NMBR: variants seen among roughly 807,000 people sequenced by gnomAD.
NMBR encodes neuromedin-B receptor.
NMBR carries 16 observed loss-of-function variants against 20.5 expected under a neutral mutation model. The observed-to-expected ratio is 0.78, with a 90% CI of 0.53 to 1.19. The LOEUF (loss-of-function observed/expected upper bound fraction) is 1.19, where lower values mean the gene tolerates loss of function less well. Ranked by LOEUF, NMBR falls within the 50% of genes most tolerant of loss-of-function variation. The pLI is 0.00. For missense variants in NMBR, 582 were observed against 499.1 expected (o/e 1.17, Z -1.58); for synonymous variants, 212 against 196.6 (o/e 1.08, Z -0.65).
At chr6:142,081,217 C>A (rs552451390) in intron 2 of NMBR, among the ~76,000 whole-genome samples, 2 of 149,364 alleles carry the variant, frequency 1.3e-5, no homozygotes, top group Non-Finnish European at 2.9e-5. Context: ...GACCTAATCA[C>A]CTCCCAAAGG....
At position 142,142,736 on chromosome 6, in the gene NMBR, C is replaced by A. The variant is rs535867236; in HGVS notation, c.-664+4308G>T. On this transcript the variant is annotated intron_variant, in intron 1 of 3. Transcript: ENST00000258042. Reference sequence around the variant, plus strand: ...ATATATGAATTGCAAAATAATAAATCTTTATTCACAGACATGGTCATGTAC... The same window carrying A: ...ATATATGAATTGCAAAATAATAAATATTTATTCACAGACATGGTCATGTAC... Among the ~76,000 whole-genome samples, 328 of 151,998 alleles carry A rather than the reference C, an allele frequency of 2.2e-3. 2 individuals carry two copies. Among genetic ancestry groups the A allele is most frequent in the African/African-American group, 7.1e-3 (295 of 41,474 alleles).
chr6:142,083,456 G>A (rs1182525158), intron 2 of NMBR, among the ~76,000 whole-genome samples: 1 of 152,062 alleles, frequency 6.6e-6, no homozygotes, highest in African/African-American at 2.4e-5. Flanking sequence ...TGTGTTGTTT[G>A]TATCCTTATT....
intron 1 of NMBR, among the ~76,000 whole-genome samples, chr6:142,141,830 C>A (rs1415025090): frequency 6.6e-6 from 1 of 151,972 alleles, no homozygotes; most frequent in Non-Finnish European, 1.5e-5. Flanking sequence ...AATTTAAATA[C>A]AAATTAAATA....
At chr6:142,102,693 A>T (rs1582848032) in intron 1 of NMBR, among the ~76,000 whole-genome samples, 2 of 152,206 alleles carry the variant, frequency 1.3e-5, no homozygotes, top group African/African-American at 4.8e-5. Context: ...GGAGTGAATC[A>T]GTGTTTGCTT....
chr6:142,132,992 C>T, intron 1 of NMBR: 2 of 434,342 alleles, frequency 4.6e-6, no homozygotes, highest in Non-Finnish European at 8.2e-6. Context: ...TGAATGGGGC[C>T]CCAGAGATCT....
At chr6:142,084,140 A>T (rs1350175063) in intron 2 of NMBR, among the ~76,000 whole-genome samples, 2 of 152,224 alleles carry the variant, frequency 1.3e-5, no homozygotes. Context: ...CACTGAACAA[A>T]GACTGATGGA....
At chr6:142,110,744 A>T (rs570846190) in intron 1 of NMBR, among the ~76,000 whole-genome samples, 148 of 152,326 alleles carry the variant, frequency 9.7e-4, no homozygotes, top group Middle Eastern at 6.8e-3. Context: ...ATATCAACAA[A>T]GGTGTTAACT....
chr6:142,136,131 A>G (rs1348355407), intron 1 of NMBR, among the ~76,000 whole-genome samples: 1 of 152,092 alleles, frequency 6.6e-6, no homozygotes, highest in African/African-American at 2.4e-5. Flanking sequence ...AAGTGTTCCT[A>G]TTTCTCCACA....
chr6:142,145,729 T>C (rs1199263920), intron 1 of NMBR, among the ~76,000 whole-genome samples: 1 of 152,192 alleles, frequency 6.6e-6, no homozygotes, highest in Admixed American at 6.5e-5. Flanking sequence ...CTAGCTTGAA[T>C]AGAGCGAGAG....
Position 142,135,250 on chromosome 6 carries a change from T to C in NMBR, c.-664+11794A>G, listed in dbSNP as rs77707872. On this transcript the variant is annotated intron_variant, in intron 1 of 3. Coordinates refer to ENST00000258042, the MANE Select transcript of NMBR (RefSeq NM_002511.4). Reference sequence around the variant, plus strand: ...TTGTCTTTTTTTACGAAGTGGAAAATTGATGCTCATGAGGGTTAATTTAGG... The same window carrying C: ...TTGTCTTTTTTTACGAAGTGGAAAACTGATGCTCATGAGGGTTAATTTAGG... 1,037 of 157,546 alleles carry C rather than the reference T, an allele frequency of 6.6e-3. 9 individuals are homozygous for C. The highest frequency in any genetic ancestry group is 0.011 in the Non-Finnish European group (780 of 71,778). 9.8% of individuals were successfully genotyped at this position (157,546 alleles called of 1,614,324 possible). A position where few individuals can be genotyped will look rare whatever the true frequency, so the allele number is the denominator to read the frequency against.
chr6:142,144,279 T>C (rs929531233), intron 1 of NMBR, among the ~76,000 whole-genome samples: 1 of 152,212 alleles, frequency 6.6e-6, no homozygotes, highest in Non-Finnish European at 1.5e-5. Flanking sequence ...CAGCTATAGA[T>C]ATATATATTA....
chr6:142,087,769 TCTTA>T (rs1321608793), intron 2 of NMBR, among the ~76,000 whole-genome samples: 1 of 152,182 alleles, frequency 6.6e-6, no homozygotes, highest in Non-Finnish European at 1.5e-5. Context: ...TAAGTTCTCC[TCTTA>T]CTTGAAAGAA....
rs777374320 is a variant in NMBR at position 142,075,726 on chromosome 6, C to G, written c.1095G>C (p.Leu365=). The G allele has an allele frequency of 6.2e-7, 1 of 1,613,990 alleles. No homozygotes were observed. The highest frequency in any genetic ancestry group is 1.1e-5 in the South Asian group (1 of 91,078). Residue 365 remains leucine, a synonymous_variant, in exon 4 of 4, where the codon CTG becomes CTC. Coordinates refer to ENST00000258042, the MANE Select transcript of NMBR (RefSeq NM_002511.4). ...TCACCATGTTCTTAGCATTGCTTTTCAGAGATGTCATACGCACCGCTGAAG... is the reference window on the plus strand; with the variant it reads ...TCACCATGTTCTTAGCATTGCTTTTGAGAGATGTCATACGCACCGCTGAAG... ...LSSSAVRMTS[L]KSNAKNMVTN...
intron 1 of NMBR, among the ~76,000 whole-genome samples, chr6:142,145,031 A>AG (rs1278218828): frequency 6.6e-6 from 1 of 151,342 alleles, no homozygotes; most frequent in Non-Finnish European, 1.5e-5. Flanking sequence ...AAAAAAAAAA[A>AG]AAAAAAAAGA....
chr6:142,101,639 A>G (rs1252730769), intron 1 of NMBR, among the ~76,000 whole-genome samples: 1 of 152,156 alleles, frequency 6.6e-6, no homozygotes, highest in Admixed American at 6.5e-5. Context: ...TGTCAGATTT[A>G]GCATAAGTGA....
chr6:142,086,302 A>G (rs1416373081), intron 2 of NMBR, among the ~76,000 whole-genome samples: 2 of 152,176 alleles, frequency 1.3e-5, no homozygotes, highest in African/African-American at 4.8e-5. Context: ...GTGAGGGTTG[A>G]AAAATTACAC....
At chr6:142,133,911 T>C in intron 1 of NMBR, 1 of 702,480 alleles carries the variant, frequency 1.4e-6, no homozygotes, top group Non-Finnish European at 2.6e-6. Context: ...ATCCGAATAT[T>C]CTTCCTCGGG....
At chr6:142,142,672 T>TAA (rs1281870868) in intron 1 of NMBR, among the ~76,000 whole-genome samples, 27 of 151,838 alleles carry the variant, frequency 1.8e-4, no homozygotes, top group African/African-American at 6.0e-4. Flanking sequence ...CATATATATA[T>TAA]AAATATATAT....
chr6:142,123,779 T>C (rs58078308), intron 1 of NMBR, among the ~76,000 whole-genome samples: 16,250 of 151,922 alleles, frequency 0.11, 996 homozygotes, highest in Admixed American at 0.16. Context: ...ATAGACAATA[T>C]GTAAATGAAA....
Sources: gnomAD v4.1 joint callset for allele counts (sites outside exome capture counted in the v4.1 genomes callset) on GRCh38, gnomAD v4.1.1 for gene constraint, MANE v1.5 for transcripts, NCBI Gene and HGNC (gene_info 2026-07-23, HGNC 2026-07-21) for gene names.